Variants in SPATA13 observed in about 807,000 individuals in gnomAD.
SPATA13 encodes the protein spermatogenesis-associated protein 13.
Under a neutral mutation model 104.0 loss-of-function variants are expected in SPATA13, and 50 were observed. That is an observed-to-expected ratio of 0.48 (90% CI 0.38 to 0.61). SPATA13 has a LOEUF of 0.61. SPATA13 is among the 20% of genes least tolerant of loss of function. The pLI is 0.00. For missense variants in SPATA13, 1,524 were observed against 1,690.6 expected, an observed-to-expected ratio of 0.90 and a Z score of 1.73; for synonymous variants, 606 against 667.5, an observed-to-expected ratio of 0.91 and a Z score of 1.42.
At chr13:24,155,704 C>T (rs1478368058) in intron 3 of SPATA13, among the ~76,000 whole-genome samples, 3 of 152,122 alleles carry the variant, frequency 2.0e-5, no homozygotes, top group Non-Finnish European at 4.4e-5. Context: ...TAAGACTTAC[C>T]ATTTTAACAA....
chr13:24,278,676 C>A, intron 4 of SPATA13: 1 of 1,522,306 alleles, frequency 6.6e-7, no homozygotes, highest in South Asian at 1.3e-5. Context: ...AGTACTTGTT[C>A]AGAATGTATA....
chr13:24,188,871 C>G (rs1869331728), intron 1 of SPATA13, among the ~76,000 whole-genome samples: 1 of 152,124 alleles, frequency 6.6e-6, no homozygotes, highest in South Asian at 2.1e-4. Context: ...AGCATGTGCT[C>G]ATTTACCATT....
At chr13:24,164,014 T>C (rs943040737) in intron 1 of SPATA13, among the ~76,000 whole-genome samples, 2 of 152,252 alleles carry the variant, frequency 1.3e-5, no homozygotes, top group Non-Finnish European at 2.9e-5. Flanking sequence ...CACAGTGGTA[T>C]AAATTCAAAT....
At chr13:24,118,612 G>T (rs138447477) in intron 3 of SPATA13, among the ~76,000 whole-genome samples, 30 of 152,264 alleles carry the variant, frequency 2.0e-4, no homozygotes, top group African/African-American at 7.0e-4. Context: ...CTGGGGTAGG[G>T]TCTGAGAATC....
chr13:24,121,347 A>G (rs1881025059), intron 3 of SPATA13, among the ~76,000 whole-genome samples: 2 of 152,208 alleles, frequency 1.3e-5, no homozygotes, highest in African/African-American at 4.8e-5. Flanking sequence ...TTTTTCAATT[A>G]ATAACTTGAA....
chr13:24,104,400 A>G (rs1001764887), intron 3 of SPATA13, among the ~76,000 whole-genome samples: 1 of 152,218 alleles, frequency 6.6e-6, no homozygotes, highest in Non-Finnish European at 1.5e-5. Context: ...TGGTTTTACA[A>G]TTCTCAAGGC....
chr13:24,206,726 T>G (rs1335153561), intron 1 of SPATA13, among the ~76,000 whole-genome samples: 1 of 152,068 alleles, frequency 6.6e-6, no homozygotes. Context: ...ACCCTGTCTC[T>G]ACTAAAAATA....
rs908466638 is a variant in SPATA13, at chr13:24,088,032, C to G, written c.-112+70331C>G. Among the ~76,000 whole-genome samples, 4 of 152,216 alleles carry G rather than the reference C, an allele frequency of 2.6e-5. No individual in the cohort carries two copies. The highest frequency in any genetic ancestry group is 4.8e-5 in the African/African-American group (2 of 41,446). On this transcript the variant is annotated intron_variant, in intron 3 of 14. Coordinates refer to the SPATA13 transcript ENST00000424834. The surrounding 1 kb of genome is among the most constrained non-coding windows in gnomAD (Gnocchi z 4.3). ...ATTTAGTAACAATTTTATAATGTCT[C>G]AACAGCTGCTTTTTACCCTCTAATT...
In SPATA13 at chr13:24,051,421, A is replaced by G. The variant is rs533310693; in HGVS notation, c.-112+33720A>G. On this transcript the variant is annotated intron_variant, in intron 3 of 14. Transcript: ENST00000424834. This position sits in a 1 kb window ranked among gnomAD's most constrained non-coding sequence, Gnocchi z 4.2. The stretch of plus-strand genomic sequence containing the variant: ...CTCCCTATCTCCTTTCAGCCACACC[A>G]GGTACAGCCTGCCAGGCTCTCGCCT... 6.6e-6 allele frequency among the ~76,000 whole-genome samples: 1 copy of G among 152,292 alleles called. No individual in the cohort carries two copies. The highest frequency in any genetic ancestry group is 2.1e-4 in the South Asian group (1 of 4,824).
intron 2 of SPATA13, among the ~76,000 whole-genome samples, chr13:24,000,409 C>T (rs61945308): frequency 9.2e-5 from 14 of 151,868 alleles, no homozygotes; most frequent in Admixed American, 5.2e-4. Context: ...CAGTGCTGGG[C>T]GGTGAGGTGT....
At chr13:24,293,600 C>A (rs1033933198) in intron 9 of SPATA13, among the ~76,000 whole-genome samples, 1 of 152,126 alleles carries the variant, frequency 6.6e-6, no homozygotes, top group Non-Finnish European at 1.5e-5. Context: ...TAAAACAAAG[C>A]AAAAATTCTT....
At chr13:24,199,685 A>C (rs916148344) in intron 1 of SPATA13, among the ~76,000 whole-genome samples, 2 of 152,088 alleles carry the variant, frequency 1.3e-5, no homozygotes, top group Non-Finnish European at 2.9e-5. Context: ...TCTAAGCTCT[A>C]CTTCTGTTGT....
chr13:24,151,069 T>A (rs542460846), intron 3 of SPATA13, among the ~76,000 whole-genome samples: 3 of 152,316 alleles, frequency 2.0e-5, no homozygotes, highest in Non-Finnish European at 4.4e-5. Flanking sequence ...AGATTCATAA[T>A]CCTCATAATT....
chr13:24,206,567 T>TA (rs1233745461), intron 1 of SPATA13, among the ~76,000 whole-genome samples: 3 of 152,168 alleles, frequency 2.0e-5, no homozygotes, highest in Non-Finnish European at 4.4e-5. Context: ...ACTGGGTATA[T>TA]ACCCAAAGGA....
intron 2 of SPATA13, among the ~76,000 whole-genome samples, chr13:24,229,938 G>A (rs1394585551): frequency 6.6e-6 from 1 of 152,184 alleles, no homozygotes; most frequent in African/African-American, 2.4e-5. Flanking sequence ...AATGCTATGG[G>A]TTTCAGAGGA....
chr13:24,299,967 G>A (rs1213563551), intron 11 of SPATA13, among the ~76,000 whole-genome samples: 3 of 152,286 alleles, frequency 2.0e-5, no homozygotes, highest in Admixed American at 6.5e-5. Flanking sequence ...TGCTACTCAC[G>A]TGGTACCTTT....
rs535830305 is a variant in SPATA13, at chr13:24,141,335, ATAAT to A, written c.-111-81472_-111-81469del. On this transcript the variant is annotated intron_variant, in intron 3 of 14. Coordinates refer to the SPATA13 transcript ENST00000424834. ...GATAATTAATTAATTAACCCTACAG[ATAAT>A]TAATTAATTAACATACTGAGTGCTC... 4.6e-3 allele frequency among the ~76,000 whole-genome samples: 700 copies of A among 152,214 alleles called. 3 individuals carry two copies. Among genetic ancestry groups the A allele is most frequent in the Middle Eastern group, 0.017 (5 of 294 alleles).
chr13:24,174,776 A>G (rs994199697), intron 1 of SPATA13, among the ~76,000 whole-genome samples: 1 of 152,148 alleles, frequency 6.6e-6, no homozygotes, highest in Admixed American at 6.5e-5. Flanking sequence ...ACAGGGTTTC[A>G]CCATGTTGGC....
At chr13:23,998,248 C>G (rs1032985122) in intron 2 of SPATA13, among the ~76,000 whole-genome samples, 4 of 152,218 alleles carry the variant, frequency 2.6e-5, no homozygotes, top group Non-Finnish European at 5.9e-5. Flanking sequence ...TTGGAATCAT[C>G]AGTTTAAAAT....
Sources: gnomAD v4.1 joint callset for allele counts (sites outside exome capture counted in the v4.1 genomes callset) on GRCh38, gnomAD v4.1.1 for gene constraint, Gnocchi (gnomAD v3.1) non-coding constraint, MANE v1.5 for transcripts, NCBI Gene and HGNC (gene_info 2026-07-23, HGNC 2026-07-21) for gene names.